PDE8B: variants seen among roughly 807,000 people sequenced by gnomAD.
PDE8B encodes the protein phosphodiesterase 8B.
A neutral mutation model predicts 101.3 loss-of-function variants in PDE8B; 26 were observed. The ratio of observed to expected loss-of-function variants is 0.26; its 90% CI spans 0.19 to 0.36. The LOEUF (loss-of-function observed/expected upper bound fraction) is 0.36. Ranked by LOEUF, PDE8B falls within the 10% of genes least tolerant of loss-of-function variation. PDE8B has a pLI of 1.00. For synonymous variants in PDE8B, 424 were observed against 429.3 expected, an observed-to-expected ratio of 0.99 and a Z score of 0.15; for missense variants, 810 against 1,163.1, an observed-to-expected ratio of 0.70 and a Z score of 4.42.
At chr5:77,219,164 A>G (rs1750510807) in intron 1 of PDE8B, among the ~76,000 whole-genome samples, 1 of 152,188 alleles carries the variant, frequency 6.6e-6, no homozygotes, top group Admixed American at 6.5e-5. Flanking sequence ...ATTCTTTGGT[A>G]TAAACTTGTA....
At chr5:77,328,816 G>A (rs1312516115) in intron 3 of PDE8B, among the ~76,000 whole-genome samples, 182 bp from the exon 4 acceptor site, 3 of 152,132 alleles carry the variant, frequency 2.0e-5, no homozygotes, top group East Asian at 3.8e-4. Context: ...ATTTTTTAAC[G>A]AAATGAAGAG....
At chr5:77,099,207 G>A in the PDE8B span, among the ~76,000 whole-genome samples, 3,710 of 152,220 alleles carry the variant, frequency 0.024, 63 homozygotes, top group Non-Finnish European at 0.04. Context: ...AACATAGTGC[G>A]CTAAGCTTGG....
At chr5:77,156,904 G>T in the PDE8B span, among the ~76,000 whole-genome samples, 1 of 152,148 alleles carries the variant, frequency 6.6e-6, no homozygotes, top group African/African-American at 2.4e-5. Context: ...CAGGCTGGAG[G>T]ATGGGAGAAG....
At chr5:77,391,218 G>A (rs949436295) in intron 10 of PDE8B, among the ~76,000 whole-genome samples, 3 of 152,230 alleles carry the variant, frequency 2.0e-5, no homozygotes, top group Non-Finnish European at 4.4e-5. Context: ...ATCATTAGTT[G>A]TACAGTGGGG....
chr5:77,206,419 G>A (rs1344459461), upstream of PDE8B, among the ~76,000 whole-genome samples: 5 of 152,228 alleles, frequency 3.3e-5, no homozygotes, highest in African/African-American at 1.2e-4. Context: ...ATAGAGCTAT[G>A]TGGGTTGCAA....
intron 1 of PDE8B, among the ~76,000 whole-genome samples, chr5:77,212,079 C>T (rs957015388): frequency 6.6e-6 from 1 of 152,164 alleles, no homozygotes; most frequent in African/African-American, 2.4e-5. Flanking sequence ...TTCTTAAAGA[C>T]AGAAGAAAAA....
intron 10 of PDE8B, among the ~76,000 whole-genome samples, chr5:77,381,309 C>T (rs1273486176): frequency 3.9e-5 from 6 of 152,130 alleles, no homozygotes; most frequent in Non-Finnish European, 5.9e-5. Flanking sequence ...AGTAGAGAGA[C>T]GCAAGTGACT....
chr5:77,299,434 C>A (rs1385690145), intron 1 of PDE8B, among the ~76,000 whole-genome samples: 1 of 128,906 alleles, frequency 7.8e-6, no homozygotes, highest in African/African-American at 2.9e-5. Flanking sequence ...CCCCCCACCC[C>A]ACAACAGTCC....
At chr5:77,411,843 A>G in intron 15 of PDE8B, 122 bp downstream of exon 15, 1 of 824,356 alleles carries the variant, frequency 1.2e-6, no homozygotes, top group Non-Finnish European at 2.1e-6. Flanking sequence ...TTAAGCATCA[A>G]TATGGTCTAC....
At chr5:77,242,038 C>T (rs1755871353) in intron 1 of PDE8B, among the ~76,000 whole-genome samples, 1 of 152,158 alleles carries the variant, frequency 6.6e-6, no homozygotes, top group Admixed American at 6.5e-5. Flanking sequence ...TCCAGAGCTT[C>T]TAATTTGGGG....
chr5:77,197,612 C>T, the PDE8B span, among the ~76,000 whole-genome samples: 3 of 151,806 alleles, frequency 2.0e-5, no homozygotes, highest in African/African-American at 7.3e-5. Context: ...CTTTTATCCC[C>T]TTTATCATTT....
At chr5:77,308,172 G>C (rs552569522) in intron 1 of PDE8B, among the ~76,000 whole-genome samples, 38 of 152,308 alleles carry the variant, frequency 2.5e-4, no homozygotes, top group Non-Finnish European at 5.0e-4. Context: ...AGCCCTCAGA[G>C]TCAGCAAGAA....
chr5:77,224,218 T>C (rs1459978360), intron 1 of PDE8B, among the ~76,000 whole-genome samples: 1 of 152,194 alleles, frequency 6.6e-6, no homozygotes, highest in Non-Finnish European at 1.5e-5. Context: ...TCTGACCTCA[T>C]AGAGTTACTG....
At chr5:77,392,629 A>G (rs140924991) in intron 10 of PDE8B, among the ~76,000 whole-genome samples, 3 of 152,330 alleles carry the variant, frequency 2.0e-5, no homozygotes, top group Non-Finnish European at 4.4e-5. Flanking sequence ...AGAAGACAGC[A>G]TGGCAGATTA....
At chr5:77,120,659 T>A in the PDE8B span, among the ~76,000 whole-genome samples, 2 of 152,224 alleles carry the variant, frequency 1.3e-5, no homozygotes, top group Non-Finnish European at 2.9e-5. Context: ...TCTTTCAACT[T>A]CTCTGTATGC....
intron 2 of PDE8B, among the ~76,000 whole-genome samples, chr5:77,319,489 C>T (rs755231856): frequency 5.9e-5 from 9 of 152,096 alleles, no homozygotes; most frequent in Non-Finnish European, 1.2e-4. Flanking sequence ...AGGGAATGAG[C>T]TAACAAAGAT....
At chr5:77,231,194 GT>G (rs1288658353) in intron 1 of PDE8B, among the ~76,000 whole-genome samples, 1 of 152,146 alleles carries the variant, frequency 6.6e-6, no homozygotes. Context: ...ACATGTAGTT[GT>G]TTTGGAATGC....
chr5:77,244,107 C>T (rs575735965), intron 1 of PDE8B, among the ~76,000 whole-genome samples: 2 of 152,164 alleles, frequency 1.3e-5, no homozygotes, highest in African/African-American at 4.8e-5. Flanking sequence ...GATTGGATGA[C>T]ACAAGCCAAG....
intron 7 of PDE8B, among the ~76,000 whole-genome samples, chr5:77,348,643 A>T (rs1780557129): frequency 6.6e-6 from 1 of 152,216 alleles, no homozygotes; most frequent in South Asian, 2.1e-4. Context: ...GGAGATGTGC[A>T]TAATACAAGC....
Sources: gnomAD v4.1 joint callset for allele counts (sites outside exome capture counted in the v4.1 genomes callset) on GRCh38, gnomAD v4.1.1 for gene constraint, MANE v1.5 for transcripts, NCBI Gene and HGNC (gene_info 2026-07-23, HGNC 2026-07-21) for gene names.